NVL: variants seen among roughly 807,000 people sequenced by gnomAD.
NVL encodes the protein nuclear valosin-containing protein-like.
NVL carries 84 observed loss-of-function variants against 110.2 expected under a neutral mutation model. The ratio of observed to expected loss-of-function variants is 0.76; its 90% CI spans 0.64 to 0.91. The LOEUF (loss-of-function observed/expected upper bound fraction) is 0.91, where lower values mean the gene tolerates loss of function less well. Among genes scored for constraint, NVL ranks in the 40% least tolerant of loss-of-function variants. The pLI, the probability that NVL is intolerant of heterozygous loss-of-function variation, is 0.00. For synonymous variants in NVL, 354 were observed against 361.1 expected (o/e 0.98, Z 0.22); for missense variants, 882 against 1,035.9 (o/e 0.85, Z 2.04).
intron 2 of NVL, among the ~76,000 whole-genome samples, chr1:224,321,388 G>A (rs534003602): frequency 6.6e-6 from 1 of 152,200 alleles, no homozygotes. Flanking sequence ...ACCTGGATAA[G>A]AGAAGATGGC....
chr1:224,309,341 A>G (rs1669289547), intron 5 of NVL, among the ~76,000 whole-genome samples: 1 of 152,048 alleles, frequency 6.6e-6, no homozygotes, highest in South Asian at 2.1e-4. Flanking sequence ...CAACACAGCG[A>G]GACCCTGTGT....
intron 12 of NVL, 144 bp from the exon 13 acceptor site, chr1:224,289,877 A>G (rs1268385576): frequency 2.0e-5 from 14 of 694,502 alleles, no homozygotes; most frequent in African/African-American, 5.4e-5. Flanking sequence ...CAGTCACTCA[A>G]CAAACGCTGT....
At chr1:224,248,452 C>G (rs183416123) in intron 19 of NVL, among the ~76,000 whole-genome samples, 2 of 152,284 alleles carry the variant, frequency 1.3e-5, no homozygotes, top group East Asian at 3.9e-4. Flanking sequence ...CAAAGATGAT[C>G]ATTCTTCTGT....
In NVL at chr1:224,305,072, TC is replaced by T; in HGVS notation, c.709del (p.Glu237LysfsTer2). 6.2e-7 allele frequency: 1 copy of T among 1,613,854 alleles called. No homozygotes were observed. Among genetic ancestry groups the T allele is most frequent in the Non-Finnish European group, 8.5e-7 (1 of 1,179,930 alleles). ...GACAGCTTCAATTTCTCCATCTACT[TC>T]CTGAAGATCTTCTTTCTTCCTTTTG... The part of the protein sequence containing the change: ...GSKRKKEDLQ[E>X]VDGEIEAVLQ... On this transcript the variant is annotated frameshift_variant, in exon 7 of 23. Coordinates refer to ENST00000281701, the MANE Select transcript of NVL (RefSeq NM_002533.4). LOFTEE classifies it high-confidence loss of function.
intron 9 of NVL, 25 bp from the exon 10 acceptor site, chr1:224,300,688 C>T (rs1208503778): frequency 1.3e-6 from 2 of 1,560,350 alleles, no homozygotes; most frequent in East Asian, 2.2e-5. Context: ...AAAAGAATAA[C>T]CAAATATTCA....
intron 16 of NVL, among the ~76,000 whole-genome samples, 155 bp downstream of exon 16, chr1:224,280,968 G>A (rs1666250848): frequency 6.6e-6 from 1 of 152,136 alleles, no homozygotes; most frequent in African/African-American, 2.4e-5. Flanking sequence ...CAAAGTGGCA[G>A]AGCAGAGCAA....
intron 18 of NVL, among the ~76,000 whole-genome samples, chr1:224,262,689 G>A (rs1224769512): frequency 6.6e-6 from 1 of 152,088 alleles, no homozygotes; most frequent in African/African-American, 2.4e-5. Flanking sequence ...CTGGTACATC[G>A]TTTGAATAAA....
chr1:224,303,933 G>A lies in NVL; in HGVS notation c.826-76C>T. The A allele has an allele frequency of 8.8e-6, 13 of 1,474,524 alleles. No homozygotes were observed. The South Asian group carries it at 1.8e-4, about 20-fold the overall frequency. The allele number at this position is 1,474,524 out of a possible 1,614,324, so 91.3% of individuals were successfully genotyped here. A position where few individuals can be genotyped will look rare whatever the true frequency, so the allele number is the denominator to read the frequency against. On this transcript the variant is annotated intron_variant, in intron 8 of 22. Transcript: ENST00000281701. ...AGAATGAAATGTCCTATTTTTCGGA[G>A]CAGTGAAATGGAGTAGATAGGTAGA...
chr1:224,317,638 G>T, intron 4 of NVL, 56 bp downstream of exon 4: 2 of 1,033,348 alleles, frequency 1.9e-6, no homozygotes, highest in South Asian at 2.6e-5. Context: ...TTACAAGCAG[G>T]AATGTAACAT....
intron 19 of NVL, among the ~76,000 whole-genome samples, chr1:224,247,161 G>C (rs1158294204): frequency 6.6e-6 from 1 of 151,816 alleles, no homozygotes; most frequent in East Asian, 1.9e-4. Flanking sequence ...TGCAACCAAA[G>C]CAGGGTTTCT....
chr1:224,284,451 C>T (rs1666662784), intron 15 of NVL, among the ~76,000 whole-genome samples: 1 of 152,006 alleles, frequency 6.6e-6, no homozygotes, highest in South Asian at 2.1e-4. Context: ...TCTTGGCTTA[C>T]TGCAGCCTCT....
rs1238920590 is a variant in NVL, at chr1:224,243,230, T to G, written c.2290-6648A>C. 4.0e-5 allele frequency among the ~76,000 whole-genome samples: 6 copies of G among 149,642 alleles called. No individual in the cohort carries two copies. In the East Asian group the frequency reaches 1.2e-3, roughly 29 times the overall value. On this transcript the variant is annotated intron_variant, in intron 19 of 22. Transcript: ENST00000281701. ...AACCCTCTACCTTGGGAGGCTGAGG[T>G]GGGTACATCGCTTGAGCTCAGGAGT...
chr1:224,254,130 C>T (rs1276762198), intron 18 of NVL, among the ~76,000 whole-genome samples: 4 of 151,990 alleles, frequency 2.6e-5, no homozygotes, highest in Non-Finnish European at 4.4e-5. Flanking sequence ...CTCACTCTGT[C>T]GCCCAGGCTG....
In NVL at chr1:224,296,489, T is replaced by G; in HGVS notation, c.1180+12A>C. 2 of 1,366,294 alleles carry G rather than the reference T, an allele frequency of 1.5e-6. No homozygotes were observed. The highest frequency in any genetic ancestry group is 2.0e-6 in the Non-Finnish European group (2 of 998,474). 84.6% of individuals were successfully genotyped at this position (1,366,294 alleles called of 1,614,324 possible). A position where few individuals can be genotyped will look rare whatever the true frequency, so the allele number is the denominator to read the frequency against. ...TTATTCTCTTAAAATGAATTTATTA[T>G]TTTAAACTAACCATCCATGCAGGTT... On this transcript the variant is annotated intron_variant, in intron 11 of 22. Coordinates refer to ENST00000281701, the MANE Select transcript of NVL (RefSeq NM_002533.4).
At chr1:224,244,183 C>A (rs57703646) in intron 19 of NVL, among the ~76,000 whole-genome samples, 1 of 151,028 alleles carries the variant, frequency 6.6e-6, no homozygotes, top group African/African-American at 2.4e-5. Flanking sequence ...GCCTGGCCAA[C>A]ATGGAAAAAC....
chr1:224,227,855 A>G, intron 22 of NVL, 185 bp from the exon 23 acceptor site: 1 of 367,578 alleles, frequency 2.7e-6, no homozygotes, highest in Non-Finnish European at 5.2e-6. Flanking sequence ...ACTCTTATCC[A>G]ATATGACTGC....
At chr1:224,307,494 G>A (rs1387499269) in intron 6 of NVL, among the ~76,000 whole-genome samples, 1 of 152,102 alleles carries the variant, frequency 6.6e-6, no homozygotes, top group Non-Finnish European at 1.5e-5. Context: ...TTGACCCCAA[G>A]AGTTCAAGAC....
intron 19 of NVL, among the ~76,000 whole-genome samples, chr1:224,249,022 C>T (rs917324942): frequency 6.6e-6 from 1 of 152,260 alleles, no homozygotes; most frequent in Non-Finnish European, 1.5e-5. Flanking sequence ...ACCAGCTTAG[C>T]TCCCTCTCCC....
intron 15 of NVL, among the ~76,000 whole-genome samples, chr1:224,281,586 T>C (rs1279504964): frequency 2.0e-5 from 3 of 151,538 alleles, no homozygotes; most frequent in Admixed American, 6.6e-5. Context: ...AGGCGTGAGC[T>C]ACTGCGCCTA....
Sources: gnomAD v4.1 joint callset for allele counts (sites outside exome capture counted in the v4.1 genomes callset) on GRCh38, gnomAD v4.1.1 for gene constraint, MANE v1.5 for transcripts, NCBI Gene and HGNC (gene_info 2026-07-23, HGNC 2026-07-21) for gene names.